Variants in VAC14 observed in about 807,000 individuals in gnomAD.
The protein encoded by VAC14 is VAC14 component of PIKFYVE complex.
Under a neutral mutation model 85.3 loss-of-function variants are expected in VAC14, and 47 were observed. The ratio of observed to expected loss-of-function variants is 0.55; its 90% confidence interval spans 0.44 to 0.70. VAC14 has a LOEUF of 0.70. Among genes scored for constraint, VAC14 ranks in the 30% least tolerant of loss-of-function variants. The pLI is 0.00. For missense variants in VAC14, 861 were observed against 1,004.3 expected, an observed-to-expected ratio of 0.86 and a Z score of 1.93; for synonymous variants, 447 against 430.5, an observed-to-expected ratio of 1.04 and a Z score of -0.47.
chr16:70,693,046 C>T (rs1244405750), intron 17 of VAC14, 75 bp from the exon 18 acceptor site: 11 of 1,526,590 alleles, frequency 7.2e-6, no homozygotes, highest in Non-Finnish European at 8.8e-6. Context: ...TGCCTGCCTC[C>T]GACTGGCCAG....
At position 70,801,028 on chromosome 16, in the gene VAC14, C is replaced by G. The variant is rs980884258; in HGVS notation, c.-128G>C. 3.5e-6 allele frequency: 2 copies of G among 566,150 alleles called. No homozygotes were observed. Among genetic ancestry groups the G allele is most frequent in the African/African-American group, 4.0e-5 (2 of 50,022 alleles). The allele number at this position is 566,150 out of a possible 1,614,324, so 35.1% of individuals were successfully genotyped here. On this transcript the variant is annotated 5_prime_UTR_variant, in exon 1 of 19. Transcript: ENST00000261776. ...ATGGACCACGCCGCTCTAGGCTTGC[C>G]TGCCACGCTCCGCCGCCTCGCCCTG...
chr16:70,789,150 G>A (rs1186983870), intron 1 of VAC14, among the ~76,000 whole-genome samples: 1 of 152,234 alleles, frequency 6.6e-6, no homozygotes, highest in Non-Finnish European at 1.5e-5. Flanking sequence ...CGCAGAATGC[G>A]GTGGGAGGAC....
intron 9 of VAC14, among the ~76,000 whole-genome samples, chr16:70,778,216 T>C (rs893229097): frequency 1.3e-5 from 2 of 152,218 alleles, no homozygotes; most frequent in South Asian, 2.1e-4. Flanking sequence ...TAGGCTGCAC[T>C]GGCCGGGAAT....
intron 18 of VAC14, chr16:70,691,627 A>G (rs2053597804): frequency 1.0e-6 from 1 of 985,302 alleles, no homozygotes. Context: ...CAACCGGCTC[A>G]AGGCCTAGTC....
intron 12 of VAC14, among the ~76,000 whole-genome samples, chr16:70,750,946 C>T (rs2031335057): frequency 6.6e-6 from 1 of 152,088 alleles, no homozygotes; most frequent in Non-Finnish European, 1.5e-5. Context: ...GGCTGGGAGG[C>T]TCGTTCTCAC....
chr16:70,798,910 GATAC>G (rs1429845351), intron 1 of VAC14, among the ~76,000 whole-genome samples: 1 of 152,162 alleles, frequency 6.6e-6, no homozygotes, highest in Non-Finnish European at 1.5e-5. Context: ...AAATAAAACA[GATAC>G]ATAAACAGAA....
chr16:70,753,040 G>GTGTGTT (rs1555521579), intron 12 of VAC14, among the ~76,000 whole-genome samples: 5 of 151,984 alleles, frequency 3.3e-5, no homozygotes, highest in African/African-American at 7.3e-5. Context: ...GTGTGTGTGT[G>GTGTGTT]TGTGTGTCAG....
intron 16 of VAC14, chr16:70,695,974 G>A (rs866995943): frequency 7.3e-4 from 143 of 194,766 alleles, no homozygotes; most frequent in Admixed American, 4.4e-4. Flanking sequence ...GCGGCACTGG[G>A]CAGTGGCCTG....
intron 1 of VAC14, among the ~76,000 whole-genome samples, chr16:70,799,453 G>C (rs778632771): frequency 2.6e-5 from 4 of 152,166 alleles, no homozygotes; most frequent in Non-Finnish European, 5.9e-5. Flanking sequence ...ATCAAGGTCC[G>C]AACCCTTTAG....
chr16:70,725,867 G>A (rs1251141316), intron 14 of VAC14, among the ~76,000 whole-genome samples: 3 of 152,218 alleles, frequency 2.0e-5, no homozygotes, highest in Admixed American at 2.0e-4. Context: ...GGGCCGGTTC[G>A]GATCAGGCCC....
At chr16:70,748,782 C>T (rs1290514497) in intron 12 of VAC14, among the ~76,000 whole-genome samples, 2 of 152,086 alleles carry the variant, frequency 1.3e-5, no homozygotes, top group Admixed American at 6.6e-5. Context: ...CCCCCTCTCT[C>T]CTAAAAATAC....
chr16:70,763,048 G>C (rs767899180), intron 10 of VAC14, 23 bp from the exon 11 acceptor site: 3 of 1,613,964 alleles, frequency 1.9e-6, no homozygotes, highest in Non-Finnish European at 2.5e-6. Context: ...TCGGGAGGGA[G>C]AGCAGAGGTG....
intron 13 of VAC14, 143 bp from the exon 14 acceptor site, chr16:70,731,770 C>G: frequency 1.1e-6 from 1 of 947,674 alleles, no homozygotes; most frequent in Non-Finnish European, 1.5e-6. Flanking sequence ...AATCTCTAAT[C>G]AAGAGCCATG....
intron 14 of VAC14, chr16:70,699,322 T>A (rs1427948243): frequency 6.0e-6 from 1 of 165,688 alleles, no homozygotes; most frequent in Non-Finnish European, 1.3e-5. Flanking sequence ...CTGTTCGGGC[T>A]GTACCCTGCG....
chr16:70,708,959 C>G (rs1445943259), intron 14 of VAC14, among the ~76,000 whole-genome samples: 1 of 152,222 alleles, frequency 6.6e-6, no homozygotes, highest in Non-Finnish European at 1.5e-5. Context: ...TAAAGGAAAT[C>G]CTGTTGTCTC....
At chr16:70,742,233 G>C (rs2030393931) in intron 13 of VAC14, among the ~76,000 whole-genome samples, 1 of 152,132 alleles carries the variant, frequency 6.6e-6, no homozygotes, top group Admixed American at 6.5e-5. Context: ...GGAGAGCCGA[G>C]GGTGCACCCC....
intron 14 of VAC14, among the ~76,000 whole-genome samples, chr16:70,710,428 T>C (rs1308015476): frequency 6.6e-6 from 1 of 152,176 alleles, no homozygotes; most frequent in Non-Finnish European, 1.5e-5. Flanking sequence ...CATTTTCCCC[T>C]GCAAACCGCA....
At chr16:70,800,735 C>A in intron 1 of VAC14, 62 bp downstream of exon 1, 2 of 1,444,606 alleles carry the variant, frequency 1.4e-6, no homozygotes, top group East Asian at 2.4e-5. Context: ...CGTGAGAAGT[C>A]CCCCTGGGGA....
chr16:70,796,198 TAGAC>T (rs1357764071), intron 1 of VAC14, among the ~76,000 whole-genome samples: 1 of 152,172 alleles, frequency 6.6e-6, no homozygotes, highest in Non-Finnish European at 1.5e-5. Flanking sequence ...TCCCAACACT[TAGAC>T]AGTTAGTGTG....
Sources: gnomAD v4.1 joint callset for allele counts (sites outside exome capture counted in the v4.1 genomes callset) on GRCh38, gnomAD v4.1.1 for gene constraint, MANE v1.5 for transcripts, NCBI Gene and HGNC (gene_info 2026-07-23, HGNC 2026-07-21) for gene names.